The following SLC24A2 variants were observed in gnomAD, a reference collection of about 807,000 sequenced individuals.
The protein encoded by SLC24A2 is solute carrier family 24 member 2, also known as sodium/potassium/calcium exchanger 2.
Under a neutral mutation model 62.0 loss-of-function variants are expected in SLC24A2, and 36 were observed. The observed-to-expected ratio is 0.58, with a 90% CI of 0.44 to 0.77. SLC24A2 has a LOEUF of 0.77. Ranked by LOEUF, SLC24A2 falls within the 30% of genes least tolerant of loss-of-function variation. SLC24A2 has a pLI of 0.00. For synonymous variants in SLC24A2, 358 were observed against 294.0 expected, an observed-to-expected ratio of 1.22 and a Z score of -2.23; for missense variants, 846 against 817.9, an observed-to-expected ratio of 1.03 and a Z score of -0.42.
At chr9:20,293,965 C>T in the SLC24A2 span, among the ~76,000 whole-genome samples, 2 of 152,122 alleles carry the variant, frequency 1.3e-5, no homozygotes, top group African/African-American at 4.8e-5. Flanking sequence ...CAATGAGGCC[C>T]TGACTCCCAT....
At chr9:19,781,102 C>A (rs1318022089) in intron 2 of SLC24A2, among the ~76,000 whole-genome samples, 1 of 152,098 alleles carries the variant, frequency 6.6e-6, no homozygotes, top group Non-Finnish European at 1.5e-5. Context: ...GCTTGTGAAA[C>A]TGAATTAAAT....
chr9:20,240,688 G>A, the SLC24A2 span, among the ~76,000 whole-genome samples: 66 of 152,260 alleles, frequency 4.3e-4, no homozygotes, highest in African/African-American at 1.3e-3. Flanking sequence ...TGACTATGAG[G>A]TTGGTCATTT....
At chr9:19,690,918 T>TGA (rs3086331) in intron 2 of SLC24A2, among the ~76,000 whole-genome samples, 104 of 151,080 alleles carry the variant, frequency 6.9e-4, no homozygotes, top group African/African-American at 2.2e-3. Flanking sequence ...TGTGTGCGTG[T>TGA]GAGAGAGAGA....
the SLC24A2 span, among the ~76,000 whole-genome samples, chr9:20,033,764 C>T: frequency 6.6e-6 from 1 of 152,178 alleles, no homozygotes; most frequent in African/African-American, 2.4e-5. Flanking sequence ...TGTGAGAATT[C>T]CCTGCCCCTT....
intron 2 of SLC24A2, among the ~76,000 whole-genome samples, chr9:19,764,181 C>T (rs923874455): frequency 3.9e-5 from 6 of 152,140 alleles, no homozygotes; most frequent in African/African-American, 7.2e-5. Context: ...TTTTTTATTG[C>T]GTCTATTTGA....
the SLC24A2 span, among the ~76,000 whole-genome samples, chr9:20,230,949 T>A: frequency 1.3e-5 from 2 of 152,242 alleles, no homozygotes; most frequent in African/African-American, 4.8e-5. Flanking sequence ...GCTTTCTACA[T>A]ATGGCTAGCC....
intron 2 of SLC24A2, among the ~76,000 whole-genome samples, chr9:19,737,540 C>G (rs777465161): frequency 6.6e-6 from 1 of 151,650 alleles, no homozygotes; most frequent in Non-Finnish European, 1.5e-5. Context: ...TCCATATAAT[C>G]GGTACACTAC....
chr9:19,715,318 A>G (rs1454860101), intron 2 of SLC24A2, among the ~76,000 whole-genome samples: 1 of 152,226 alleles, frequency 6.6e-6, no homozygotes, highest in African/African-American at 2.4e-5. Context: ...ACTGACAGGC[A>G]GAAAGATGAT....
intron 5 of SLC24A2, among the ~76,000 whole-genome samples, chr9:19,593,838 CTCTGAG>C (rs1412939070): frequency 6.6e-6 from 1 of 152,144 alleles, no homozygotes. Context: ...TAGTCTGCTT[CTCTGAG>C]TCTTAGTTTC....
At chr9:19,727,285 C>G (rs1361430763) in intron 2 of SLC24A2, among the ~76,000 whole-genome samples, 1 of 151,830 alleles carries the variant, frequency 6.6e-6, no homozygotes, top group Admixed American at 6.6e-5. Flanking sequence ...TGATCATCAC[C>G]CATGAAACAA....
At chr9:19,608,033 G>A (rs373163463) in intron 4 of SLC24A2, among the ~76,000 whole-genome samples, 1 of 152,202 alleles carries the variant, frequency 6.6e-6, no homozygotes, top group African/African-American at 2.4e-5. Flanking sequence ...TTAATGGCCT[G>A]TCCTCCTCTA....
the SLC24A2 span, among the ~76,000 whole-genome samples, chr9:20,169,650 G>A: frequency 1.3e-5 from 2 of 151,602 alleles, no homozygotes; most frequent in Non-Finnish European, 2.9e-5. Flanking sequence ...TACATCAAGG[G>A]AACACCCCAT....
intron 4 of SLC24A2, among the ~76,000 whole-genome samples, chr9:19,604,756 A>C (rs925405301): frequency 6.6e-6 from 1 of 152,228 alleles, no homozygotes; most frequent in Non-Finnish European, 1.5e-5. Context: ...GGACTGGAAG[A>C]CATAAAATTA....
chr9:20,139,849 G>A, the SLC24A2 span, among the ~76,000 whole-genome samples: 1 of 152,176 alleles, frequency 6.6e-6, no homozygotes, highest in African/African-American at 2.4e-5. Flanking sequence ...GCTTCTGGGA[G>A]GAAAAGACTG....
the SLC24A2 span, among the ~76,000 whole-genome samples, chr9:20,051,161 T>A: frequency 1.2e-4 from 18 of 152,200 alleles, no homozygotes; most frequent in Non-Finnish European, 2.2e-4. Context: ...CAGGGTATCA[T>A]TTAAATATAA....
chr9:19,885,716 G>A, the SLC24A2 span, among the ~76,000 whole-genome samples: 4 of 151,996 alleles, frequency 2.6e-5, no homozygotes, highest in East Asian at 1.9e-4. Flanking sequence ...CATAGTACCC[G>A]ATAGGTATTA....
At chr9:19,564,152 C>G (rs1835552787) in intron 7 of SLC24A2, among the ~76,000 whole-genome samples, 1 of 152,056 alleles carries the variant, frequency 6.6e-6, no homozygotes, top group Non-Finnish European at 1.5e-5. Flanking sequence ...GCCACCATGC[C>G]TGGCCATGAC....
At chr9:20,161,418 T>C in the SLC24A2 span, among the ~76,000 whole-genome samples, 2 of 151,230 alleles carry the variant, frequency 1.3e-5, no homozygotes, top group Non-Finnish European at 3.0e-5. Flanking sequence ...TTTTTAAAAA[T>C]AGTACAAAAA....
upstream of SLC24A2, among the ~76,000 whole-genome samples, chr9:19,792,682 T>C (rs1247204317): frequency 2.0e-5 from 3 of 147,678 alleles, no homozygotes; most frequent in Admixed American, 1.4e-4. Flanking sequence ...TACTCCAGCC[T>C]GGGAAACAAG....
Sources: gnomAD v4.1 joint callset for allele counts (sites outside exome capture counted in the v4.1 genomes callset) on GRCh38, gnomAD v4.1.1 for gene constraint, MANE v1.5 for transcripts, NCBI Gene and HGNC (gene_info 2026-07-23, HGNC 2026-07-21) for gene names.